DSCAM: variants seen among roughly 807,000 people sequenced by gnomAD.
DSCAM encodes cell adhesion molecule DSCAM.
A neutral mutation model predicts 217.7 loss-of-function variants in DSCAM; 47 were observed. The observed-to-expected ratio is 0.22, with a 90% confidence interval of 0.17 to 0.28. The LOEUF (loss-of-function observed/expected upper bound fraction) is 0.28. Among genes scored for constraint, DSCAM ranks in the 10% least tolerant of loss-of-function variants. The pLI, the probability that DSCAM is intolerant of heterozygous loss-of-function variation, is 1.00. For synonymous variants in DSCAM, 1,056 were observed against 1,015.3 expected, an observed-to-expected ratio of 1.04 and a Z score of -0.76; for missense variants, 2,080 against 2,618.3, an observed-to-expected ratio of 0.79 and a Z score of 4.49.
intron 9 of DSCAM, among the ~76,000 whole-genome samples, chr21:40,306,161 C>T (rs1255707384): frequency 8.6e-5 from 13 of 150,728 alleles, no homozygotes; most frequent in Non-Finnish European, 1.8e-4. Context: ...CCTTCACATC[C>T]CTTGTAAGTT....
At chr21:40,076,698 G>A (rs2089370834) in intron 26 of DSCAM, among the ~76,000 whole-genome samples, 2 of 152,202 alleles carry the variant, frequency 1.3e-5, no homozygotes, top group South Asian at 4.1e-4. Context: ...TAGAATCACA[G>A]TTTCAAATTC....
At chr21:40,356,595 C>T (rs1251450562) in intron 4 of DSCAM, among the ~76,000 whole-genome samples, 1 of 152,094 alleles carries the variant, frequency 6.6e-6, no homozygotes, top group Non-Finnish European at 1.5e-5. Flanking sequence ...TTTTCCTTTG[C>T]TTCTTTACAT....
chr21:40,797,237 A>G (rs2091699460), intron 1 of DSCAM, among the ~76,000 whole-genome samples: 1 of 152,186 alleles, frequency 6.6e-6, no homozygotes, highest in South Asian at 2.1e-4. Flanking sequence ...ACCATTAACC[A>G]TATCAGTAAA....
chr21:40,428,050 G>A (rs781208246), intron 3 of DSCAM, among the ~76,000 whole-genome samples: 28 of 152,200 alleles, frequency 1.8e-4, no homozygotes, highest in Non-Finnish European at 3.4e-4. Context: ...TGTCCTCACA[G>A]TCCAGGTCCA....
intron 30 of DSCAM, among the ~76,000 whole-genome samples, chr21:40,050,339 C>G (rs2088908791): frequency 6.6e-6 from 1 of 152,196 alleles, no homozygotes; most frequent in Non-Finnish European, 1.5e-5. Context: ...AAAATCTAAT[C>G]CTTTCAATAT....
intron 3 of DSCAM, among the ~76,000 whole-genome samples, chr21:40,555,229 C>T (rs372662014): frequency 1.7e-4 from 26 of 152,282 alleles, no homozygotes; most frequent in African/African-American, 6.0e-4. Context: ...ATCCAGATGG[C>T]ATTCCATTTG....
chr21:40,044,112 G>T lies in DSCAM; in HGVS notation c.5349C>A (p.Ser1783Arg), dbSNP rs140461094. ...GCGAGGGGCTGACGCTGTAACTGTC[G>T]CTCTCTTTGTCTACTGATCCTGCAG... ...PRAAGSVDKE[S>R]DSYSVSPSQD... The change falls in exon 31 of 33, where the codon AGC becomes AGA. Residue 1783 changes from serine (S) to arginine (R), a missense_variant. Coordinates refer to ENST00000400454, the MANE Select transcript of DSCAM (RefSeq NM_001389.5). 1 of 1,614,000 alleles carries T rather than the reference G, an allele frequency of 6.2e-7. No homozygotes were observed. Among genetic ancestry groups the T allele is most frequent in the Admixed American group, 1.7e-5 (1 of 60,028 alleles).
chr21:40,033,899 C>T (rs1281112570), intron 32 of DSCAM, among the ~76,000 whole-genome samples: 3 of 127,718 alleles, frequency 2.3e-5, no homozygotes, highest in African/African-American at 5.9e-5. Flanking sequence ...AACTGGGAGG[C>T]ACCCCCCAGC....
intron 16 of DSCAM, among the ~76,000 whole-genome samples, chr21:40,160,784 C>G (rs550386515): frequency 6.6e-6 from 1 of 152,256 alleles, no homozygotes; most frequent in South Asian, 2.1e-4. Flanking sequence ...CAGCTTATAA[C>G]CTAACCGTTA....
intron 3 of DSCAM, among the ~76,000 whole-genome samples, chr21:40,588,612 G>A (rs1430419024): frequency 6.6e-6 from 1 of 152,082 alleles, no homozygotes; most frequent in African/African-American, 2.4e-5. Flanking sequence ...GGATAAAAAT[G>A]GTTGTTTAGC....
intron 9 of DSCAM, among the ~76,000 whole-genome samples, chr21:40,305,676 C>T (rs1275167611): frequency 6.6e-6 from 1 of 151,864 alleles, no homozygotes; most frequent in Non-Finnish European, 1.5e-5. Flanking sequence ...CCAGTTTTCC[C>T]AGCACCATTT....
chr21:40,440,155 A>T lies in DSCAM; in HGVS notation c.509-70910T>A, dbSNP rs1006589267. 3.3e-5 allele frequency among the ~76,000 whole-genome samples: 5 copies of T among 152,380 alleles called. 1 individual carries two copies. The South Asian group carries it at 8.3e-4, about 25-fold the overall frequency. On this transcript the variant is annotated intron_variant, in intron 3 of 32. Coordinates refer to ENST00000400454, the MANE Select transcript of DSCAM (RefSeq NM_001389.5). ...GTGAGATAGCATTTGGGTGATCAGCATCCATGATGCTAGCCCTTTGAACAT... is the reference window on the plus strand; with the variant it reads ...GTGAGATAGCATTTGGGTGATCAGCTTCCATGATGCTAGCCCTTTGAACAT...
At chr21:40,693,832 C>T (rs567873385) in intron 2 of DSCAM, among the ~76,000 whole-genome samples, 2 of 152,258 alleles carry the variant, frequency 1.3e-5, no homozygotes, top group African/African-American at 2.4e-5. Flanking sequence ...TGGACTTCCA[C>T]GTCCTTGATG....
At chr21:40,524,822 A>C (rs1201832362) in intron 3 of DSCAM, among the ~76,000 whole-genome samples, 3 of 152,058 alleles carry the variant, frequency 2.0e-5, no homozygotes, top group African/African-American at 7.3e-5. Context: ...AAGCCTGACC[A>C]ACATGGTGAA....
chr21:40,733,062 C>T (rs1376063689), intron 1 of DSCAM, among the ~76,000 whole-genome samples: 1 of 152,194 alleles, frequency 6.6e-6, no homozygotes, highest in Non-Finnish European at 1.5e-5. Flanking sequence ...CCTTCCTGAC[C>T]TATACAAAAG....
chr21:40,153,604 A>T (rs2090447005), intron 16 of DSCAM, among the ~76,000 whole-genome samples: 1 of 152,152 alleles, frequency 6.6e-6, no homozygotes, highest in South Asian at 2.1e-4. Flanking sequence ...GAACCTATGG[A>T]GCCTGTATGT....
intron 1 of DSCAM, among the ~76,000 whole-genome samples, chr21:40,809,268 G>A (rs984219032): frequency 4.6e-5 from 7 of 152,288 alleles, no homozygotes; most frequent in South Asian, 2.1e-4. Context: ...ACAAGGGGCC[G>A]TGTCTTGGTG....
At position 40,166,437 on chromosome 21, in the gene DSCAM, A is replaced by T. The variant is rs556994777; in HGVS notation, c.3018+781T>A. The stretch of plus-strand genomic sequence containing the variant: ...CAGAGCCATCTCCAAGAGCACATTC[A>T]GGAGGATGACTAATGCCATGGCCCA... On this transcript the variant is annotated intron_variant, in intron 16 of 32. Transcript: ENST00000400454. Among the ~76,000 whole-genome samples the T allele has an allele frequency of 1.5e-4, 23 of 152,362 alleles. No homozygotes were observed. The South Asian group carries it at 4.6e-3, about 30-fold the overall frequency.
At chr21:40,627,046 C>T (rs1048863639) in intron 3 of DSCAM, among the ~76,000 whole-genome samples, 1 of 152,142 alleles carries the variant, frequency 6.6e-6, no homozygotes, top group Admixed American at 6.5e-5. Context: ...CTCCAGCTGC[C>T]CCCTCAAGTA....
Sources: gnomAD v4.1 joint callset for allele counts (sites outside exome capture counted in the v4.1 genomes callset) on GRCh38, gnomAD v4.1.1 for gene constraint, MANE v1.5 for transcripts, NCBI Gene and HGNC (gene_info 2026-07-23, HGNC 2026-07-21) for gene names.